The following ARFGAP3 variants were observed in gnomAD, a reference collection of about 807,000 sequenced individuals.
The protein encoded by ARFGAP3 is ARF GTPase activating protein 3.
Under a neutral mutation model 75.0 loss-of-function variants are expected in ARFGAP3, and 72 were observed. The ratio of observed to expected loss-of-function variants is 0.96; its 90% CI spans 0.79 to 1.17. The LOEUF is 1.17. Among genes scored for constraint, ARFGAP3 ranks in the 50% most tolerant of loss-of-function variants. The pLI is 0.00. For synonymous variants in ARFGAP3, 221 were observed against 217.9 expected, an observed-to-expected ratio of 1.01 and a Z score of -0.13; for missense variants, 620 against 626.6, an observed-to-expected ratio of 0.99 and a Z score of 0.11.
chr22:42,834,239 T>C lies in ARFGAP3; in HGVS notation c.477+3A>G, dbSNP rs1173608205. On this transcript the variant is annotated splice_donor_region_variant and intron_variant, in intron 5 of 15. Coordinates refer to ENST00000263245, the MANE Select transcript of ARFGAP3 (RefSeq NM_014570.5). ...TTAAAATGATGTGAAGCATAATACA[T>C]ACCTCAGGAGAAACGTGAGAGGCAA... The C allele has an allele frequency of 6.2e-7, 1 of 1,613,400 alleles. No individual in the cohort carries two copies. Among genetic ancestry groups the C allele is most frequent in the South Asian group, 1.1e-5 (1 of 90,994 alleles).
At chr22:42,802,753 C>T (rs750439400) in intron 14 of ARFGAP3, among the ~76,000 whole-genome samples, 2 of 151,034 alleles carry the variant, frequency 1.3e-5, no homozygotes, top group Non-Finnish European at 2.9e-5. Flanking sequence ...AGGCGCCCAC[C>T]ACCATGCCTG....
chr22:42,831,681 C>T (rs757428684), intron 5 of ARFGAP3, 45 bp from the exon 6 acceptor site: 4 of 1,611,360 alleles, frequency 2.5e-6, no homozygotes, highest in East Asian at 2.2e-5. Context: ...AGCAAGAAAA[C>T]AGCCATAAAA....
chr22:42,843,808 G>A (rs1205560253), intron 2 of ARFGAP3, among the ~76,000 whole-genome samples: 2 of 152,160 alleles, frequency 1.3e-5, no homozygotes, highest in Non-Finnish European at 2.9e-5. Flanking sequence ...GAGGGGAGGA[G>A]CAGCCTGAAA....
chr22:42,817,005 C>A, intron 11 of ARFGAP3, 137 bp downstream of exon 11: 1 of 638,314 alleles, frequency 1.6e-6, no homozygotes, highest in Non-Finnish European at 2.7e-6. Flanking sequence ...CAAAGAACAG[C>A]TCTGGCTCCA....
At chr22:42,819,684 G>C (rs1440088533) in intron 9 of ARFGAP3, among the ~76,000 whole-genome samples, 2 of 152,204 alleles carry the variant, frequency 1.3e-5, no homozygotes, top group Non-Finnish European at 2.9e-5. Context: ...AAGGAGACCA[G>C]GATGCTGCAT....
At chr22:42,800,400 A>G (rs1310893286) in intron 14 of ARFGAP3, among the ~76,000 whole-genome samples, 17 of 152,124 alleles carry the variant, frequency 1.1e-4, no homozygotes. Context: ...GCATGGTGGC[A>G]CACACCTGTA....
intron 1 of ARFGAP3, among the ~76,000 whole-genome samples, chr22:42,852,885 C>T (rs1222286081): frequency 5.9e-5 from 9 of 152,148 alleles, no homozygotes; most frequent in Non-Finnish European, 1.2e-4. Context: ...CTGCCTCAGC[C>T]TCCCGAACAG....
intron 6 of ARFGAP3, 161 bp from the exon 7 acceptor site, chr22:42,827,160 T>G (rs1024648731): frequency 2.2e-6 from 2 of 908,468 alleles, no homozygotes; most frequent in South Asian, 5.1e-5. Flanking sequence ...TATAAGAATT[T>G]TGACTTAAAA....
chr22:42,852,260 T>C (rs770684569), intron 1 of ARFGAP3, among the ~76,000 whole-genome samples: 15 of 151,858 alleles, frequency 9.9e-5, no homozygotes, highest in Admixed American at 2.0e-4. Flanking sequence ...GGTTTCACCA[T>C]GTTGCCCAGG....
chr22:42,810,158 T>G (rs1925300573), intron 12 of ARFGAP3, among the ~76,000 whole-genome samples: 2 of 151,982 alleles, frequency 1.3e-5, no homozygotes, highest in South Asian at 2.1e-4. Context: ...CACTTCCTAT[T>G]TAGAATCAGT....
intron 5 of ARFGAP3, among the ~76,000 whole-genome samples, chr22:42,833,793 G>A (rs1374022523): frequency 1.3e-5 from 2 of 152,180 alleles, no homozygotes; most frequent in South Asian, 2.1e-4. Context: ...GTGCGCACCT[G>A]TAGTCCCAGC....
chr22:42,820,613 A>G (rs1339621989), intron 9 of ARFGAP3, among the ~76,000 whole-genome samples: 1 of 152,218 alleles, frequency 6.6e-6, no homozygotes, highest in Non-Finnish European at 1.5e-5. Context: ...TTCATCATAC[A>G]GTCTATAGTA....
chr22:42,851,373 T>C (rs1927269206), intron 1 of ARFGAP3, among the ~76,000 whole-genome samples: 1 of 152,158 alleles, frequency 6.6e-6, no homozygotes, highest in Non-Finnish European at 1.5e-5. Context: ...AAGAGAGCAG[T>C]GAGGTTCCTA....
At chr22:42,850,571 CAAAAAAAAAAAAA>C (rs57841993) in intron 1 of ARFGAP3, among the ~76,000 whole-genome samples, 1 of 57,586 alleles carries the variant, frequency 1.7e-5, no homozygotes, top group African/African-American at 6.7e-5. Context: ...ACCCTGCTAT[CAAAAAAAAAAAAA>C]AAAAAAAAAA....
intron 1 of ARFGAP3, among the ~76,000 whole-genome samples, chr22:42,852,679 C>G (rs553405662): frequency 1.3e-5 from 2 of 152,008 alleles, no homozygotes; most frequent in Non-Finnish European, 2.9e-5. Context: ...TAATACTGTT[C>G]AAACAAGGGC....
intron 9 of ARFGAP3, among the ~76,000 whole-genome samples, chr22:42,820,636 A>G (rs747153037): frequency 6.6e-6 from 1 of 152,210 alleles, no homozygotes; most frequent in Non-Finnish European, 1.5e-5. Context: ...TCAAGCTAAA[A>G]CAGATAAAAT....
intron 1 of ARFGAP3, among the ~76,000 whole-genome samples, chr22:42,856,135 A>G (rs928535526): frequency 1.2e-4 from 19 of 152,204 alleles, no homozygotes; most frequent in Admixed American, 1.2e-3. Context: ...ACTTTCCCAC[A>G]TCCATCAGAC....
At chr22:42,822,921 C>T (rs1262053537) in intron 8 of ARFGAP3, among the ~76,000 whole-genome samples, 2 of 152,012 alleles carry the variant, frequency 1.3e-5, no homozygotes, top group Non-Finnish European at 2.9e-5. Context: ...GCGATCCTCC[C>T]ACCTTAGTAT....
chr22:42,835,553 G>C lies in ARFGAP3; in HGVS notation c.262-60C>G, dbSNP rs191869950. ...AAAACTACGTATGGCCAGGCGCAGT[G>C]GCTCATGCCTGTAATCCCAGCACTC... On this transcript the variant is annotated intron_variant, in intron 3 of 15. Transcript: ENST00000263245. 6.5e-5 allele frequency: 104 copies of C among 1,589,056 alleles called. 1 individual carries two copies. In the Admixed American group the frequency reaches 1.6e-3, roughly 25 times the overall value.
Sources: allele counts gnomAD v4.1 joint callset (sites outside exome capture counted in the v4.1 genomes callset), GRCh38; gene constraint gnomAD v4.1.1; transcripts MANE v1.5; gene names NCBI Gene and HGNC (gene_info 2026-07-23, HGNC 2026-07-21).